The following CCBE1 variants were observed in gnomAD, a reference collection of about 807,000 sequenced individuals.
CCBE1 encodes the protein collagen and calcium binding EGF domains 1.
CCBE1 carries 37 observed loss-of-function variants against 50.0 expected under a neutral mutation model. That is an observed-to-expected ratio of 0.74 (90% confidence interval 0.57 to 0.97). CCBE1 has a LOEUF of 0.97. Ranked by LOEUF, CCBE1 falls within the 50% of genes least tolerant of loss-of-function variation. The pLI, the probability that CCBE1 is intolerant of heterozygous loss-of-function variation, is 0.00. For synonymous variants in CCBE1, 234 were observed against 203.7 expected (o/e 1.15, Z -1.27); for missense variants, 538 against 523.8 (o/e 1.03, Z -0.26).
At chr18:59,670,821 A>C (rs1359387125) in intron 2 of CCBE1, among the ~76,000 whole-genome samples, 1 of 151,998 alleles carries the variant, frequency 6.6e-6, no homozygotes, top group African/African-American at 2.4e-5. Flanking sequence ...GGTGGCTAGC[A>C]CCTGTAATCC....
At chr18:59,493,181 A>T (rs1230294119) in intron 2 of CCBE1, among the ~76,000 whole-genome samples, 4 of 152,254 alleles carry the variant, frequency 2.6e-5, no homozygotes, top group Non-Finnish European at 5.9e-5. Context: ...TTGAGAAGAC[A>T]AAAAGGGAAG....
At chr18:59,516,532 T>C (rs1287496262) in intron 2 of CCBE1, among the ~76,000 whole-genome samples, 2 of 152,150 alleles carry the variant, frequency 1.3e-5, no homozygotes, top group African/African-American at 2.4e-5. Flanking sequence ...ATTCCACTGA[T>C]AGGGGCAAAA....
intron 10 of CCBE1, among the ~76,000 whole-genome samples, chr18:59,437,365 C>A (rs1166656116): frequency 6.6e-6 from 1 of 152,196 alleles, no homozygotes; most frequent in Non-Finnish European, 1.5e-5. Context: ...TATCATTTGA[C>A]CCTCACAGTA....
Position 59,508,902 on chromosome 18 carries a change from C to T in CCBE1, c.213-28664G>A, listed in dbSNP as rs185372258. On this transcript the variant is annotated intron_variant, in intron 2 of 10. Transcript: ENST00000439986. ...CACGGCTCTTAATATAAACAATGAACGGCAAGGTCATGCAACTTATATTCA... is the reference window on the plus strand; with the variant it reads ...CACGGCTCTTAATATAAACAATGAATGGCAAGGTCATGCAACTTATATTCA... 8.9e-4 allele frequency among the ~76,000 whole-genome samples: 135 copies of T among 151,900 alleles called. 1 individual carries two copies. The highest frequency in any genetic ancestry group is 8.2e-3 in the Admixed American group (125 of 15,270).
At position 59,466,813 on chromosome 18, in the gene CCBE1, T is replaced by G. The variant is rs777181951; in HGVS notation, c.479A>C (p.Glu160Ala). The G allele has an allele frequency of 6.2e-7, 1 of 1,613,846 alleles. No homozygotes were observed. The highest frequency in any genetic ancestry group is 1.1e-5 in the South Asian group (1 of 91,064). ...CINTLGSYRC[E>A]CREGYIREDD... The stretch of plus-strand genomic sequence containing the variant: ...TTCCCGGATGTAGCCTTCCCGGCAC[T>G]CGCAGCGGTAGCTGCCCAAGGTATT... Residue 160 changes from glutamate to alanine, a missense_variant, in exon 5 of 11, where the codon GAG becomes GCG. Physicochemically the swap from Glu to Ala is moderately radical, Grantham distance 107. Transcript: ENST00000439986.
intron 2 of CCBE1, 95 bp from the exon 3 acceptor site, chr18:59,480,333 G>A: frequency 3.1e-6 from 3 of 969,640 alleles, no homozygotes; most frequent in Non-Finnish European, 4.8e-6. Flanking sequence ...TTGTGCCCAG[G>A]AAACATTGAG....
At chr18:59,516,242 T>C (rs567583163) in intron 2 of CCBE1, among the ~76,000 whole-genome samples, 1 of 151,336 alleles carries the variant, frequency 6.6e-6, no homozygotes, top group Admixed American at 6.6e-5. Context: ...TACAGTTTGT[T>C]TTTTTTTTTC....
intron 2 of CCBE1, among the ~76,000 whole-genome samples, chr18:59,573,463 C>T (rs960168811): frequency 2.0e-5 from 3 of 151,466 alleles, no homozygotes; most frequent in African/African-American, 7.3e-5. Flanking sequence ...CCTCAATCTC[C>T]AGCTTACACT....
At chr18:59,486,294 GTTGCTTTCATCT>G in intron 2 of CCBE1, among the ~76,000 whole-genome samples, 1 of 152,250 alleles carries the variant, frequency 6.6e-6, no homozygotes, top group Admixed American at 6.5e-5. Flanking sequence ...ACTCTTCCCA[GTTGCTTTCATCT>G]TATGACTCAT....
At chr18:59,469,670 C>G (rs663452) in intron 3 of CCBE1, 63 bp from the exon 4 acceptor site, 1 of 1,609,268 alleles carries the variant, frequency 6.2e-7, no homozygotes, top group Non-Finnish European at 8.5e-7. Context: ...CTGGCCCTGG[C>G]CTGGAAAGGA....
intron 2 of CCBE1, among the ~76,000 whole-genome samples, chr18:59,589,816 GA>G (rs10715103): frequency 0.33 from 43,500 of 131,822 alleles, 7,386 homozygotes; most frequent in East Asian, 0.59. Flanking sequence ...AAAAAAGAAA[GA>G]AAAAAAAAAT....
intron 2 of CCBE1, among the ~76,000 whole-genome samples, chr18:59,597,758 T>A (rs571715932): frequency 6.6e-6 from 1 of 152,316 alleles, no homozygotes; most frequent in South Asian, 2.1e-4. Flanking sequence ...TTCTCAGGAA[T>A]GGTTTGCATG....
intron 2 of CCBE1, among the ~76,000 whole-genome samples, chr18:59,491,814 C>CCAAA (rs201367103): frequency 7.7e-4 from 29 of 37,794 alleles, no homozygotes; most frequent in African/African-American, 9.5e-4. Flanking sequence ...GACTCTGTCT[C>CCAAA]CAAACAAACA....
chr18:59,638,321 G>A (rs2053941951), intron 2 of CCBE1, among the ~76,000 whole-genome samples: 2 of 152,212 alleles, frequency 1.3e-5, no homozygotes, highest in African/African-American at 2.4e-5. Context: ...ATGGTGAAAT[G>A]TCTAAAGCGT....
At chr18:59,678,235 AAAG>A (rs1027151148) in intron 2 of CCBE1, among the ~76,000 whole-genome samples, 4 of 152,228 alleles carry the variant, frequency 2.6e-5, no homozygotes, top group Admixed American at 6.5e-5. Context: ...GCAAAAACCA[AAAG>A]AATAAGCCAG....
At chr18:59,514,394 G>A (rs1011300932) in intron 2 of CCBE1, among the ~76,000 whole-genome samples, 1 of 152,098 alleles carries the variant, frequency 6.6e-6, no homozygotes, top group African/African-American at 2.4e-5. Context: ...GAGAGCGGCT[G>A]TCACTCTGCT....
intron 2 of CCBE1, among the ~76,000 whole-genome samples, chr18:59,494,926 G>C (rs1324016076): frequency 1.3e-5 from 2 of 152,198 alleles, no homozygotes; most frequent in Non-Finnish European, 2.9e-5. Context: ...GGCCAAGGCA[G>C]GCAGATCACT....
At chr18:59,441,673 G>A (rs1910432636) in intron 7 of CCBE1, among the ~76,000 whole-genome samples, 1 of 151,856 alleles carries the variant, frequency 6.6e-6, no homozygotes, top group Admixed American at 6.6e-5. Flanking sequence ...GCAGAGAGAT[G>A]GAAATTAAAG....
chr18:59,532,530 T>G (rs542821984), intron 2 of CCBE1, among the ~76,000 whole-genome samples: 1 of 152,338 alleles, frequency 6.6e-6, no homozygotes, highest in East Asian at 1.9e-4. Flanking sequence ...GAAGACTAGC[T>G]TGGGCAGGAA....
Sources: allele counts gnomAD v4.1 joint callset (sites outside exome capture counted in the v4.1 genomes callset), GRCh38; gene constraint gnomAD v4.1.1; transcripts MANE v1.5; gene names NCBI Gene and HGNC (gene_info 2026-07-23, HGNC 2026-07-21).